LMTK2: variants seen among roughly 807,000 people sequenced by gnomAD.
LMTK2 encodes the protein lemur tail kinase 2, also known as serine/threonine-protein kinase LMTK2.
LMTK2 carries 37 observed loss-of-function variants against 127.5 expected under a neutral mutation model. That is an observed-to-expected ratio of 0.29 (90% CI 0.22 to 0.38). The LOEUF (loss-of-function observed/expected upper bound fraction) is 0.38, where lower values mean the gene tolerates loss of function less well. Among genes scored for constraint, LMTK2 ranks in the 10% least tolerant of loss-of-function variants. The pLI is 1.00. For synonymous variants in LMTK2, 819 were observed against 810.1 expected, an observed-to-expected ratio of 1.01 and a Z score of -0.19; for missense variants, 1,694 against 1,920.3, an observed-to-expected ratio of 0.88 and a Z score of 2.20.
intron 1 of LMTK2, among the ~76,000 whole-genome samples, chr7:98,125,695 A>G (rs1796433765): frequency 1.3e-5 from 2 of 152,330 alleles, no homozygotes; most frequent in South Asian, 2.1e-4. Context: ...TGTATGACAT[A>G]AAGACAACAG....
intron 11 of LMTK2, among the ~76,000 whole-genome samples, chr7:98,203,213 T>G (rs1430112660): frequency 6.6e-6 from 1 of 152,208 alleles, no homozygotes; most frequent in Admixed American, 6.5e-5. Flanking sequence ...TCCAGGGCAG[T>G]GCCCACTTTG....
chr7:98,194,136 C>A lies in LMTK2; in HGVS notation c.3671C>A (p.Thr1224Asn). 6.2e-7 allele frequency: 1 copy of A among 1,614,074 alleles called. No homozygotes were observed. The highest frequency in any genetic ancestry group is 8.5e-7 in the Non-Finnish European group (1 of 1,180,032). ...DFETQDDRPC[T>N]LASTGTNTNE... ...GAGACACAGGACGATCGCCCCTGCACCCTCGCTTCCACGGGGACCAACACG... is the reference window on the plus strand; with the variant it reads ...GAGACACAGGACGATCGCCCCTGCAACCTCGCTTCCACGGGGACCAACACG... The change falls in exon 11 of 14, where the codon ACC becomes AAC. Residue 1224 changes from threonine (T) to asparagine (N), a missense_variant. Thr to Asn is a moderately conservative substitution (Grantham distance 65). This residue lies in a region of LMTK2 where 554 missense variants were observed against 567.7 expected (regional missense o/e 0.98). Coordinates refer to ENST00000297293, the MANE Select transcript of LMTK2 (RefSeq NM_014916.4). This position sits in a 1 kb window ranked among gnomAD's most constrained non-coding sequence, Gnocchi z 5.4.
At chr7:98,118,782 A>C (rs1261899042) in intron 1 of LMTK2, among the ~76,000 whole-genome samples, 1 of 152,198 alleles carries the variant, frequency 6.6e-6, no homozygotes, top group Non-Finnish European at 1.5e-5. Flanking sequence ...CGTGCAGATC[A>C]CCTAGGTATT....
At position 98,192,341 on chromosome 7, in the gene LMTK2, A is replaced by G. The variant is rs950599735; in HGVS notation, c.1876A>G (p.Ser626Gly). Residue 626 changes from serine (S) to glycine (G), a missense_variant, in exon 11 of 14, where the codon AGT becomes GGT. By Grantham distance (56) the Ser-to-Gly change is moderately conservative. Transcript: ENST00000297293. ...CTTACCAGGGGACTTACACGTGACC[A>G]GTGGCCCCGAGAGCCCTTTCAACAA... ...SSLPGDLHVTSGPESPFNNIF... is the reference protein window; with the variant it reads ...SSLPGDLHVTGGPESPFNNIF... 6.3e-7 allele frequency: 1 copy of G among 1,576,018 alleles called. No individual in the cohort carries two copies. Among genetic ancestry groups the G allele is most frequent in the Non-Finnish European group, 8.6e-7 (1 of 1,165,788 alleles).
At chr7:98,175,527 G>A (rs1395361150) in intron 7 of LMTK2, among the ~76,000 whole-genome samples, 1 of 152,212 alleles carries the variant, frequency 6.6e-6, no homozygotes, top group East Asian at 1.9e-4. Flanking sequence ...GTGCACGTGC[G>A]TGCATGTTTA....
chr7:98,184,962 C>T lies in LMTK2; in HGVS notation c.792-89C>T, dbSNP rs778655066. ...GAGCTCAATATACTTACTCGGATCCCGAGAGAAAGCCCATTTCTGTGGCAT... is the reference window on the plus strand; with the variant it reads ...GAGCTCAATATACTTACTCGGATCCTGAGAGAAAGCCCATTTCTGTGGCAT... On this transcript the variant is annotated intron_variant, in intron 7 of 13. Coordinates refer to ENST00000297293, the MANE Select transcript of LMTK2 (RefSeq NM_014916.4). 5.7e-4 allele frequency: 529 copies of T among 925,094 alleles called. 2 individuals carry two copies. Among genetic ancestry groups the T allele is most frequent in the Non-Finnish European group, 8.5e-4 (485 of 570,644 alleles). 57.3% of individuals were successfully genotyped at this position (925,094 alleles called of 1,614,324 possible). A position where few individuals can be genotyped will look rare whatever the true frequency, so the allele number is the denominator to read the frequency against.
intron 6 of LMTK2, among the ~76,000 whole-genome samples, chr7:98,165,595 G>A (rs565867989): frequency 3.3e-5 from 5 of 152,304 alleles, no homozygotes; most frequent in East Asian, 3.9e-4. Context: ...GGAATGACCC[G>A]GCCCTGTGTA....
chr7:98,123,776 C>A (rs1214482579), intron 1 of LMTK2, among the ~76,000 whole-genome samples: 5 of 152,040 alleles, frequency 3.3e-5, no homozygotes. Context: ...GGGAAGAATT[C>A]TCTTCCTTCT....
At chr7:98,142,704 G>A (rs1256781774) in intron 3 of LMTK2, among the ~76,000 whole-genome samples, 3 of 152,202 alleles carry the variant, frequency 2.0e-5, no homozygotes, top group South Asian at 2.1e-4. Context: ...AAGTGGAAAC[G>A]AGAATTTTCT....
chr7:98,139,130 T>C (rs1250904501), intron 2 of LMTK2, among the ~76,000 whole-genome samples: 1 of 152,188 alleles, frequency 6.6e-6, no homozygotes, highest in Non-Finnish European at 1.5e-5. Context: ...CTAATTTTTC[T>C]TCTTTTCTTT....
intron 7 of LMTK2, among the ~76,000 whole-genome samples, chr7:98,176,034 G>A (rs1797271815): frequency 6.6e-6 from 1 of 152,206 alleles, no homozygotes; most frequent in South Asian, 2.1e-4. Context: ...CGATTCTCCT[G>A]AATGAACATA....
chr7:98,199,290 CAGAG>C (rs1300676279), intron 11 of LMTK2, among the ~76,000 whole-genome samples: 4 of 152,162 alleles, frequency 2.6e-5, no homozygotes, highest in African/African-American at 7.2e-5. Flanking sequence ...TTCTATTACT[CAGAG>C]AGAGGTTGTT....
intron 7 of LMTK2, among the ~76,000 whole-genome samples, chr7:98,177,583 G>A (rs1797295761): frequency 6.6e-6 from 1 of 152,166 alleles, no homozygotes; most frequent in South Asian, 2.1e-4. Context: ...CACTTGCTTG[G>A]CCTTGACTTC....
At chr7:98,166,154 T>A (rs1797095635) in intron 6 of LMTK2, among the ~76,000 whole-genome samples, 1 of 152,226 alleles carries the variant, frequency 6.6e-6, no homozygotes, top group Non-Finnish European at 1.5e-5. Flanking sequence ...CTGCTCTCCC[T>A]CCCCTGCATT....
chr7:98,161,683 T>C (rs1797018767), intron 6 of LMTK2, among the ~76,000 whole-genome samples: 1 of 152,170 alleles, frequency 6.6e-6, no homozygotes, highest in Admixed American at 6.5e-5. Flanking sequence ...GTTATTGTGA[T>C]ATAAAAATAG....
intron 13 of LMTK2, 56 bp downstream of exon 13, chr7:98,204,242 C>T (rs1438512302): frequency 4.4e-6 from 7 of 1,576,966 alleles, no homozygotes; most frequent in Non-Finnish European, 6.0e-6. Flanking sequence ...TGGGGCGCTG[C>T]AGCTGGGAGA....
chr7:98,191,910 A>G lies in LMTK2; in HGVS notation c.1445A>G (p.Lys482Arg). 2 of 1,614,110 alleles carry G rather than the reference A, an allele frequency of 1.2e-6. No homozygotes were observed. The highest frequency in any genetic ancestry group is 1.7e-6 in the Non-Finnish European group (2 of 1,180,030). ...TTCGAGTATGTCTGGGAGGCCGCTA[A>G]GCACGACCACTTTGACGAGCGCAGC... ...LSFEYVWEAA[K>R]HDHFDERSRG... The change falls in exon 11 of 14, where the codon AAG (lysine) becomes AGG (arginine). Residue 482 changes from lysine (K) to arginine (R), a missense_variant. Physicochemically the swap from Lys to Arg is conservative, Grantham distance 26. Coordinates refer to ENST00000297293, the MANE Select transcript of LMTK2 (RefSeq NM_014916.4).
At chr7:98,169,855 G>A (rs566654053) in intron 6 of LMTK2, among the ~76,000 whole-genome samples, 32 of 152,032 alleles carry the variant, frequency 2.1e-4, no homozygotes, top group African/African-American at 6.0e-4. Flanking sequence ...TTCTAATTTC[G>A]TTGGAAACAA....
rs1385769016 is a variant in LMTK2, at chr7:98,191,826, G to A, written c.1361G>A (p.Arg454Gln). 4 of 1,614,148 alleles carry A rather than the reference G, an allele frequency of 2.5e-6. No homozygotes were observed. In the South Asian group the frequency reaches 3.3e-5, roughly 13 times the overall value. ...ATTCTCGACCACTTTGCCAGGGACC[G>A]GCTGGGTCGTGAAATGGAGGAAGTC... ...FPILDHFARD[R>Q]LGREMEEVLT... The change falls in exon 11 of 14, where the codon CGG (arginine) becomes CAG (glutamine). Residue 454 changes from arginine (R) to glutamine (Q), a missense_variant. This residue lies in a region of LMTK2 where 216 missense variants were observed against 266.8 expected (regional missense o/e 0.81). Transcript: ENST00000297293.
Sources: allele counts gnomAD v4.1 joint callset (sites outside exome capture counted in the v4.1 genomes callset), GRCh38; gene constraint gnomAD v4.1.1; regional missense constraint gnomAD v4.1.1; non-coding constraint Gnocchi (gnomAD v3.1); transcripts MANE v1.5; gene names NCBI Gene and HGNC (gene_info 2026-07-23, HGNC 2026-07-21).